CCDC66: variants seen among roughly 807,000 people sequenced by gnomAD.
CCDC66 encodes the protein coiled-coil domain containing 66.
Under a neutral mutation model 128.3 loss-of-function variants are expected in CCDC66, and 133 were observed. The observed-to-expected ratio is 1.04, with a 90% confidence interval of 0.90 to 1.20. CCDC66 has a LOEUF of 1.20. Among genes scored for constraint, CCDC66 ranks in the 50% most tolerant of loss-of-function variants. The pLI, the probability that CCDC66 is intolerant of heterozygous loss-of-function variation, is 0.00. For missense variants in CCDC66, 1,126 were observed against 1,075.5 expected (o/e 1.05, Z -0.66); for synonymous variants, 387 against 357.0 (o/e 1.08, Z -0.95).
At chr3:56,598,325 T>G (rs2072500387) in intron 10 of CCDC66, among the ~76,000 whole-genome samples, 1 of 151,924 alleles carries the variant, frequency 6.6e-6, no homozygotes, top group African/African-American at 2.4e-5. Flanking sequence ...GCCTGGGTAA[T>G]TTTTGCATAG....
rs569558560 is a variant in CCDC66, at chr3:56,558,353, CTA to C, written c.12-491_12-490del. On this transcript the variant is annotated intron_variant, in intron 1 of 17. Transcript: ENST00000394672. ...GTATAAAGCACCATACTAAATATCA[CTA>C]TGTATTATTTGAAATATTGAAAGTG... is the stretch of plus-strand genomic sequence containing the variant. Among the ~76,000 whole-genome samples, 407 of 152,266 alleles carry C rather than the reference CTA, an allele frequency of 2.7e-3. 2 individuals carry two copies. The highest frequency in any genetic ancestry group is 9.4e-3 in the African/African-American group (389 of 41,540).
rs1259310356 is a variant in CCDC66, at chr3:56,619,523, A to T, written c.2631A>T (p.Ser877=). ...CCCAGGACCCTCAGTACCAAAATTCACAAGGTAAGTAAATATTAAGCATTC... is the reference window on the plus strand; with the variant it reads ...CCCAGGACCCTCAGTACCAAAATTCTCAAGGTAAGTAAATATTAAGCATTC... The part of the protein sequence containing the change: ...PSTQDPQYQN[S]QDCGQKRQLF... Residue 877 remains serine (S), a synonymous_variant, in exon 16 of 18, where the codon TCA becomes TCT. Coordinates refer to ENST00000394672, the MANE Select transcript of CCDC66 (RefSeq NM_001141947.3). The T allele has an allele frequency of 1.0e-5, 16 of 1,604,748 alleles. No homozygotes were observed. The South Asian group carries it at 1.7e-4, about 17-fold the overall frequency.
intron 3 of CCDC66, chr3:56,563,393 GAA>G (rs34569651): frequency 0.043 from 8,184 of 192,228 alleles, no homozygotes; most frequent in Middle Eastern, 0.073. Flanking sequence ...TTTTTTAATT[GAA>G]AAAAAAAAAA....
At chr3:56,568,021 A>G (rs191744031) in intron 6 of CCDC66, among the ~76,000 whole-genome samples, 12 of 152,284 alleles carry the variant, frequency 7.9e-5, no homozygotes, top group African/African-American at 2.9e-4. Flanking sequence ...ATGAGACCTC[A>G]AAGGTAGTAG....
intron 7 of CCDC66, among the ~76,000 whole-genome samples, chr3:56,588,294 A>C (rs1367219506): frequency 6.6e-6 from 1 of 152,148 alleles, no homozygotes; most frequent in African/African-American, 2.4e-5. Flanking sequence ...GACTTTGAGG[A>C]CTTATGGAGA....
intron 10 of CCDC66, among the ~76,000 whole-genome samples, chr3:56,597,901 A>G (rs1302559860): frequency 1.3e-5 from 2 of 149,614 alleles, no homozygotes; most frequent in African/African-American, 4.9e-5. Context: ...CAGCCTTCCA[A>G]GTAGCTGGGA....
chr3:56,621,624 G>GA lies in CCDC66; in HGVS notation c.*10dup, dbSNP rs1559803658. The stretch of plus-strand genomic sequence containing the variant: ...GTTTTGGTTCTTCATTTTAAATGTA[G>GA]AAAATCAAATCCTTCACATTTGATT... On this transcript the variant is annotated 3_prime_UTR_variant, in exon 18 of 18. Coordinates refer to ENST00000394672, the MANE Select transcript of CCDC66 (RefSeq NM_001141947.3). 1 of 1,578,822 alleles carries GA rather than the reference G, an allele frequency of 6.3e-7. No individual in the cohort carries two copies. Among genetic ancestry groups the GA allele is most frequent in the Non-Finnish European group, 8.6e-7 (1 of 1,156,962 alleles).
Position 56,616,041 on chromosome 3 carries a change from G to T in CCDC66, c.1831G>T (p.Gly611Cys). ...MNSTTSKKDT[G>C]VQTDDLNIGI... ...TTCTACGACTTCTAAGAAGGATACT[G>T]GTGTGCAAACAGGTATTTGTGTGGA... The change falls in exon 13 of 18, where the codon GGT becomes TGT. Residue 611 changes from glycine to cysteine, a missense_variant. Coordinates refer to ENST00000394672, the MANE Select transcript of CCDC66 (RefSeq NM_001141947.3). 6.3e-7 allele frequency: 1 copy of T among 1,587,734 alleles called. No homozygotes were observed. Among genetic ancestry groups the T allele is most frequent in the South Asian group, 1.2e-5 (1 of 86,672 alleles).
intron 7 of CCDC66, among the ~76,000 whole-genome samples, chr3:56,590,804 C>G (rs907286807): frequency 2.0e-5 from 3 of 151,612 alleles, no homozygotes; most frequent in Non-Finnish European, 4.4e-5. Context: ...GTTTAGGAAA[C>G]CAGTTTTTAT....
At chr3:56,558,619 A>G in intron 1 of CCDC66, 1 of 501,394 alleles carries the variant, frequency 2.0e-6, no homozygotes, top group Admixed American at 3.7e-5. Context: ...CAGGTTAATG[A>G]TAACAATGCT....
Position 56,571,279 on chromosome 3 carries a change from C to A in CCDC66, c.913C>A (p.His305Asn). Residue 305 changes from histidine to asparagine, a missense_variant, in exon 7 of 18, where the codon CAT (histidine) becomes AAT (asparagine). His to Asn is a moderately conservative substitution (Grantham distance 68). Transcript: ENST00000394672. Reference sequence around the variant, plus strand: ...AAGTGATAAAATAATATGGGAAAAACATCAAATTCTTGACCAATCTAGGGT... The same window carrying A: ...AAGTGATAAAATAATATGGGAAAAAAATCAAATTCTTGACCAATCTAGGGT... ...SESDKIIWEK[H>N]QILDQSRETV... 6.5e-7 allele frequency: 1 copy of A among 1,537,182 alleles called. No homozygotes were observed. The highest frequency in any genetic ancestry group is 1.2e-5 in the South Asian group (1 of 84,320).
At chr3:56,615,085 G>C in intron 11 of CCDC66, 43 bp from the exon 12 acceptor site, 1 of 1,590,634 alleles carries the variant, frequency 6.3e-7, no homozygotes, top group Non-Finnish European at 8.6e-7. Flanking sequence ...TCAAGTCTTT[G>C]TATGTTTAAT....
Position 56,557,260 on chromosome 3 carries a change from A to AGGGGTAAGCG in CCDC66, c.11+16_11+17insGGGGGTAAGC. On this transcript the variant is annotated splice_region_variant and intron_variant, in intron 1 of 17. Coordinates refer to ENST00000394672, the MANE Select transcript of CCDC66 (RefSeq NM_001141947.3). Reference sequence around the variant, plus strand: ...GTCAGGCCATGAACTTGGGGTAAGCAGGGGTAAGCTGGGGTAAGCTGGGGT... The same window carrying AGGGGTAAGCG: ...GTCAGGCCATGAACTTGGGGTAAGCAGGGGTAAGCGGGGGTAAGCTGGGGTAAGCTGGGGT... The AGGGGTAAGCG allele has an allele frequency of 6.5e-7, 1 of 1,549,348 alleles. No individual in the cohort carries two copies. Among genetic ancestry groups the AGGGGTAAGCG allele is most frequent in the Non-Finnish European group, 8.7e-7 (1 of 1,145,798 alleles).
chr3:56,571,896 T>A (rs903181194), intron 7 of CCDC66, among the ~76,000 whole-genome samples: 8 of 151,158 alleles, frequency 5.3e-5, no homozygotes, highest in Admixed American at 3.3e-4. Flanking sequence ...TTAAAAAAAA[T>A]TTTTTTTAGA....
In CCDC66 at chr3:56,619,980, T is replaced by TTTAAG. The variant is rs1311455819; in HGVS notation, c.2760+83_2760+87dup. The TTTAAG allele has an allele frequency of 7.0e-6, 7 of 997,866 alleles. No homozygotes were observed. In the African/African-American group the frequency reaches 1.2e-4, roughly 17 times the overall value. 61.8% of individuals were successfully genotyped at this position (997,866 alleles called of 1,614,324 possible). On this transcript the variant is annotated intron_variant, in intron 17 of 17. Coordinates refer to ENST00000394672, the MANE Select transcript of CCDC66 (RefSeq NM_001141947.3). ...TGGGGGAACCTGTTGAACGGTTTGT[T>TTTAAG]TTAAGTTACTTCGGTGCATCCCAGG... is the stretch of plus-strand genomic sequence containing the variant.
intron 7 of CCDC66, among the ~76,000 whole-genome samples, chr3:56,585,062 G>A (rs372562732): frequency 3.3e-5 from 5 of 150,690 alleles, no homozygotes; most frequent in Non-Finnish European, 7.4e-5. Context: ...GCTTCGGCTC[G>A]GCATCAGAGG....
chr3:56,567,077 T>A, intron 6 of CCDC66, 24 bp downstream of exon 6: 2 of 1,535,106 alleles, frequency 1.3e-6, no homozygotes, highest in Non-Finnish European at 1.8e-6. Context: ...ATACCTTTAT[T>A]ATAGTTTTAT....
At chr3:56,566,107 C>CTTTGTTTTGT (rs150674110) in intron 4 of CCDC66, among the ~76,000 whole-genome samples, 25,378 of 148,860 alleles carry the variant, frequency 0.17, 2,950 homozygotes, top group East Asian at 0.45. Context: ...CTTCAGTTTC[C>CTTTGTTTTGT]TTTGTTTTGT....
Position 56,619,844 on chromosome 3 carries a change from G to C in CCDC66, c.2703G>C (p.Met901Ile), listed in dbSNP as rs750244002. Reference protein sequence around the residue: ...CVRDPLLNPNMVKNRDRQQAI... With the variant: ...CVRDPLLNPNIVKNRDRQQAI... ...GGGATCCACTTCTTAATCCTAACAT[G>C]GTGAAAAATAGGGATCGACAGCAAG... Residue 901 changes from methionine to isoleucine, a missense_variant, in exon 17 of 18, where the codon ATG becomes ATC. By Grantham distance (10) the Met-to-Ile change is conservative. Coordinates refer to ENST00000394672, the MANE Select transcript of CCDC66 (RefSeq NM_001141947.3). 6.2e-7 allele frequency: 1 copy of C among 1,613,994 alleles called. No homozygotes were observed. The highest frequency in any genetic ancestry group is 8.5e-7 in the Non-Finnish European group (1 of 1,179,962).
Sources: allele counts gnomAD v4.1 joint callset (sites outside exome capture counted in the v4.1 genomes callset), GRCh38; gene constraint gnomAD v4.1.1; transcripts MANE v1.5; gene names NCBI Gene and HGNC (gene_info 2026-07-23, HGNC 2026-07-21).